Variants in IPCEF1 observed in about 807,000 individuals in gnomAD.
IPCEF1 encodes interaction protein for cytohesin exchange factors 1, also known as interactor protein for cytohesin exchange factors 1.
In IPCEF1, 31 loss-of-function variants were observed where a neutral mutation model predicts 50.9. The observed-to-expected ratio is 0.61, with a 90% confidence interval of 0.46 to 0.82. The LOEUF is 0.82. IPCEF1 is among the 40% of genes least tolerant of loss of function. IPCEF1 has a pLI of 0.00. For synonymous variants in IPCEF1, 181 were observed against 192.0 expected (o/e 0.94, Z 0.47); for missense variants, 458 against 514.0 (o/e 0.89, Z 1.05).
At chr6:154,338,912 C>G (rs117819547) in intron 1 of IPCEF1, among the ~76,000 whole-genome samples, 1 of 151,920 alleles carries the variant, frequency 6.6e-6, no homozygotes, top group Non-Finnish European at 1.5e-5. Flanking sequence ...CACTCCAGCC[C>G]GAGTGACACA....
intron 1 of IPCEF1, among the ~76,000 whole-genome samples, chr6:154,297,103 T>A (rs1216674756): frequency 1.3e-5 from 2 of 151,994 alleles, no homozygotes; most frequent in Non-Finnish European, 2.9e-5. Context: ...CCTGGCATGA[T>A]CATGGCTCGC....
At chr6:154,323,146 C>T (rs1374743619) in intron 1 of IPCEF1, among the ~76,000 whole-genome samples, 1 of 152,100 alleles carries the variant, frequency 6.6e-6, no homozygotes. Flanking sequence ...TTTCCAACTC[C>T]CAGCATCTGA....
At position 154,212,798 on chromosome 6, in the gene IPCEF1, G is replaced by A. The variant is rs373741797; in HGVS notation, c.509C>T (p.Pro170Leu). ...DPEIAAETPP[P>L]PHASQTQSLT... ...AGACTGAGTCTGGGAAGCGTGAGGAGGGGGTGGTGTCTCCGCAGCTATTTC... is the reference window on the plus strand; with the variant it reads ...AGACTGAGTCTGGGAAGCGTGAGGAAGGGGTGGTGTCTCCGCAGCTATTTC... The change falls in exon 9 of 12, where the codon CCT becomes CTT. Residue 170 changes from proline to leucine, a missense_variant. Pro to Leu is a moderately conservative substitution (Grantham distance 98). Transcript: ENST00000367220. The A allele has an allele frequency of 8.7e-6, 14 of 1,613,074 alleles. No individual in the cohort carries two copies. The African/African-American group carries it at 9.3e-5, about 11-fold the overall frequency.
chr6:154,154,888 T>G lies in IPCEF1; in HGVS notation c.*4940A>C, dbSNP rs765766076. The G allele has an allele frequency of 6.6e-6, 1 of 152,452 alleles. No individual in the cohort carries two copies. The highest frequency in any genetic ancestry group is 2.4e-5 in the African/African-American group (1 of 41,368). 9.4% of individuals were successfully genotyped at this position (152,452 alleles called of 1,614,324 possible). A position where few individuals can be genotyped will look rare whatever the true frequency, so the allele number is the denominator to read the frequency against. ...ATTAATATCTTGCCCCCAAACACCA[T>G]GCAGTGCTAAAAGTCACATTCCCAT... is the stretch of plus-strand genomic sequence containing the variant. On this transcript the variant is annotated 3_prime_UTR_variant, in exon 12 of 12. Transcript: ENST00000367220.
intron 1 of IPCEF1, among the ~76,000 whole-genome samples, chr6:154,315,944 C>T (rs1224848146): frequency 6.6e-6 from 1 of 152,136 alleles, no homozygotes; most frequent in Non-Finnish European, 1.5e-5. Context: ...ACTGCAATCT[C>T]CGCCTCCCAG....
At chr6:154,287,160 CCTCT>C (rs10563787) in intron 2 of IPCEF1, among the ~76,000 whole-genome samples, 2,449 of 148,220 alleles carry the variant, frequency 0.017, 48 homozygotes, top group African/African-American at 0.049. Context: ...CCCTTCTCTC[CCTCT>C]CTCTCTCTCT....
intron 10 of IPCEF1, among the ~76,000 whole-genome samples, chr6:154,188,766 A>T (rs184796339): frequency 7.9e-5 from 12 of 152,376 alleles, no homozygotes; most frequent in Admixed American, 7.8e-4. Flanking sequence ...GTTTGGGAGA[A>T]AAATGGCGTG....
chr6:154,300,530 C>T (rs1476496738), intron 1 of IPCEF1, among the ~76,000 whole-genome samples: 1 of 152,042 alleles, frequency 6.6e-6, no homozygotes, highest in Non-Finnish European at 1.5e-5. Context: ...GGGAGGATCC[C>T]TTGAGTTTGG....
chr6:154,249,542 C>T (rs1057453215), intron 3 of IPCEF1, among the ~76,000 whole-genome samples: 3 of 152,104 alleles, frequency 2.0e-5, no homozygotes, highest in Non-Finnish European at 2.9e-5. Context: ...TCCTAGAGTG[C>T]TCAGGCCTCC....
chr6:154,344,847 T>C (rs1783996163), intron 1 of IPCEF1, among the ~76,000 whole-genome samples: 1 of 152,224 alleles, frequency 6.6e-6, no homozygotes, highest in Non-Finnish European at 1.5e-5. Context: ...TTCTCTACAC[T>C]GTTTACCATG....
chr6:154,211,234 G>C (rs972565763), intron 9 of IPCEF1, among the ~76,000 whole-genome samples: 3 of 152,006 alleles, frequency 2.0e-5, no homozygotes, highest in Non-Finnish European at 4.4e-5. Context: ...GGCTAACACG[G>C]TGAAATCCCG....
intron 1 of IPCEF1, among the ~76,000 whole-genome samples, chr6:154,355,814 C>CTT (rs75948011): frequency 6.8e-6 from 1 of 146,360 alleles, no homozygotes. Flanking sequence ...TCTTTTCTTT[C>CTT]TTTTTTTTTT....
Position 154,325,739 on chromosome 6 carries a change from T to C in IPCEF1, c.-62+30933A>G, listed in dbSNP as rs374152342. The stretch of plus-strand genomic sequence containing the variant: ...GACTGCAACTTAATTAATGCTTTCT[T>C]TGAGTGTGCTTTTTTGGGGTGTGCT... On this transcript the variant is annotated intron_variant, in intron 1 of 11. Coordinates refer to ENST00000367220, the MANE Select transcript of IPCEF1 (RefSeq NM_001130700.2). 5.9e-5 allele frequency among the ~76,000 whole-genome samples: 9 copies of C among 152,316 alleles called. No homozygotes were observed. In the East Asian group the frequency reaches 1.5e-3, roughly 26 times the overall value.
Position 154,212,932 on chromosome 6 carries a change from T to C in IPCEF1, c.452-77A>G, listed in dbSNP as rs773242413. On this transcript the variant is annotated intron_variant, in intron 8 of 11. Transcript: ENST00000367220. Reference sequence around the variant, plus strand: ...CATAATGCATGAGCAGAGGTTTATCTCCATCTGGCTATTGCAATTTCAATC... The same window carrying C: ...CATAATGCATGAGCAGAGGTTTATCCCCATCTGGCTATTGCAATTTCAATC... 5.1e-5 allele frequency: 50 copies of C among 971,512 alleles called. No individual in the cohort carries two copies. In the African/African-American group the frequency reaches 7.2e-4, roughly 14 times the overall value. The allele number at this position is 971,512 out of a possible 1,614,324, so 60.2% of individuals were successfully genotyped here.
intron 10 of IPCEF1, among the ~76,000 whole-genome samples, chr6:154,176,053 C>G (rs545348842): frequency 6.6e-6 from 1 of 152,174 alleles, no homozygotes; most frequent in Non-Finnish European, 1.5e-5. Flanking sequence ...ATCACATAAA[C>G]AGAACCAATG....
chr6:154,184,133 G>A (rs1801135301), intron 10 of IPCEF1, among the ~76,000 whole-genome samples: 1 of 151,286 alleles, frequency 6.6e-6, no homozygotes, highest in African/African-American at 2.4e-5. Context: ...CTCAACATTT[G>A]AAGAATTGCT....
At chr6:154,185,949 A>G (rs1156355984) in intron 10 of IPCEF1, among the ~76,000 whole-genome samples, 3 of 152,218 alleles carry the variant, frequency 2.0e-5, no homozygotes, top group Non-Finnish European at 4.4e-5. Context: ...CCCCCAGAAT[A>G]ACGACCCTTT....
chr6:154,166,343 T>A (rs942448112), intron 11 of IPCEF1, among the ~76,000 whole-genome samples: 8 of 152,204 alleles, frequency 5.3e-5, no homozygotes, highest in African/African-American at 1.4e-4. Flanking sequence ...AGTCTGCTGC[T>A]CTGTGGAAGG....
intron 2 of IPCEF1, among the ~76,000 whole-genome samples, chr6:154,285,008 A>G (rs1449895449): frequency 6.6e-6 from 1 of 152,216 alleles, no homozygotes; most frequent in African/African-American, 2.4e-5. Flanking sequence ...TCAAAAAAAA[A>G]GAAATCAGAG....
Sources: gnomAD v4.1 joint callset for allele counts (sites outside exome capture counted in the v4.1 genomes callset) on GRCh38, gnomAD v4.1.1 for gene constraint, MANE v1.5 for transcripts, NCBI Gene and HGNC (gene_info 2026-07-23, HGNC 2026-07-21) for gene names.